TULP4: variants seen among roughly 807,000 people sequenced by gnomAD.
TULP4 encodes TUB like protein 4.
TULP4 carries 16 observed loss-of-function variants against 129.0 expected under a neutral mutation model. The ratio of observed to expected loss-of-function variants is 0.12; its 90% CI spans 0.08 to 0.19. The LOEUF (loss-of-function observed/expected upper bound fraction) is 0.19. TULP4 is among the 10% of genes least tolerant of loss of function. TULP4 has a pLI of 1.00. For missense variants in TULP4, 1,842 were observed against 2,059.1 expected (o/e 0.89, Z 2.04); for synonymous variants, 998 against 854.0 (o/e 1.17, Z -2.94).
intron 1 of TULP4, among the ~76,000 whole-genome samples, chr6:158,367,457 T>C (rs533733476): frequency 6.6e-6 from 1 of 152,204 alleles, no homozygotes; most frequent in Non-Finnish European, 1.5e-5. Flanking sequence ...GCAGTTAGCA[T>C]TTTTTGAAAA....
intron 2 of TULP4, among the ~76,000 whole-genome samples, chr6:158,415,260 A>G (rs1778180441): frequency 6.6e-6 from 1 of 152,106 alleles, no homozygotes; most frequent in African/African-American, 2.4e-5. Flanking sequence ...AGCACATGCC[A>G]TTAGTACAGT....
chr6:158,313,929 C>T lies in TULP4; in HGVS notation c.-88C>T. 6.7e-7 allele frequency: 1 copy of T among 1,502,424 alleles called. No homozygotes were observed. The highest frequency in any genetic ancestry group is 1.3e-5 in the South Asian group (1 of 76,228). 93.1% of individuals were successfully genotyped at this position (1,502,424 alleles called of 1,614,324 possible). A position where few individuals can be genotyped will look rare whatever the true frequency, so the allele number is the denominator to read the frequency against. On this transcript the variant is annotated 5_prime_UTR_variant, in exon 1 of 14. Transcript: ENST00000367097. ...GGAAAAAAGCAACGCAAGCCAACCA[C>T]AAAAACACATATACCAATGAAAGAA...
chr6:158,315,430 A>G (rs1313402805), intron 1 of TULP4, among the ~76,000 whole-genome samples: 1 of 152,108 alleles, frequency 6.6e-6, no homozygotes, highest in Non-Finnish European at 1.5e-5. Flanking sequence ...ACCTAGGGAG[A>G]TTCACCATAC....
chr6:158,336,642 A>G (rs1780041869), intron 1 of TULP4, among the ~76,000 whole-genome samples: 1 of 152,216 alleles, frequency 6.6e-6, no homozygotes, highest in South Asian at 2.1e-4. Flanking sequence ...TTATAGCAGG[A>G]CAAATACTAA....
intron 2 of TULP4, among the ~76,000 whole-genome samples, chr6:158,423,142 A>C (rs1778392322): frequency 2.7e-5 from 4 of 149,340 alleles, no homozygotes; most frequent in Non-Finnish European, 4.5e-5. Flanking sequence ...GGGGAAAGAA[A>C]CCTTCCCAGG....
In TULP4 at chr6:158,427,471, C is replaced by CTTTTTTTTTTTTTTTTTT. The variant is rs557678837; in HGVS notation, c.382-2241_382-2224dup. Among the ~76,000 whole-genome samples, 25 of 74,134 alleles carry CTTTTTTTTTTTTTTTTTT rather than the reference C, an allele frequency of 3.4e-4. 4 individuals carry two copies. Among genetic ancestry groups the CTTTTTTTTTTTTTTTTTT allele is most frequent in the South Asian group, 6.1e-4 (1 of 1,642 alleles). The allele number at this position is 74,134 out of a possible 152,430, so 48.6% of individuals were successfully genotyped here. On this transcript the variant is annotated intron_variant, in intron 2 of 13. Coordinates refer to ENST00000367097, the MANE Select transcript of TULP4 (RefSeq NM_020245.5). Reference sequence around the variant, plus strand: ...AAATTCCTTTTCAAAATTATCAGACCTTTTTTTTTTTTTTTTTTTTTTTTT... The same window carrying CTTTTTTTTTTTTTTTTTT: ...AAATTCCTTTTCAAAATTATCAGACCTTTTTTTTTTTTTTTTTTTTTTTTTTTTTTTTTTTTTTTTTTT...
chr6:158,297,716 A>C (rs1308702532), intron 1 of TULP4, among the ~76,000 whole-genome samples: 1 of 152,118 alleles, frequency 6.6e-6, no homozygotes, highest in Non-Finnish European at 1.5e-5. Flanking sequence ...ACAACAGATA[A>C]GGGTCCAACA....
chr6:158,360,514 A>G (rs770668942), intron 1 of TULP4, among the ~76,000 whole-genome samples: 2 of 152,320 alleles, frequency 1.3e-5, no homozygotes, highest in African/African-American at 4.8e-5. Context: ...TTGAAAGACC[A>G]TTGTTGGAAG....
chr6:158,467,147 A>G (rs1435003015), intron 6 of TULP4, among the ~76,000 whole-genome samples: 1 of 152,136 alleles, frequency 6.6e-6, no homozygotes, highest in East Asian at 1.9e-4. Flanking sequence ...CAGCCTGTCC[A>G]CTGAATCCCA....
In TULP4 at chr6:158,506,881, A is replaced by G; in HGVS notation, c.*187A>G. 1 of 582,116 alleles carries G rather than the reference A, an allele frequency of 1.7e-6. No homozygotes were observed. 36.1% of individuals were successfully genotyped at this position (582,116 alleles called of 1,614,324 possible). A position where few individuals can be genotyped will look rare whatever the true frequency, so the allele number is the denominator to read the frequency against. Reference sequence around the variant, plus strand: ...GTCATTTATTTGGTTGGGTTTTATTACCTTTTATTGTCTGTTCTTCTTTTC... The same window carrying G: ...GTCATTTATTTGGTTGGGTTTTATTGCCTTTTATTGTCTGTTCTTCTTTTC... On this transcript the variant is annotated 3_prime_UTR_variant, in exon 14 of 14. Transcript: ENST00000367097.
chr6:158,296,004 T>G (rs1779023503), intron 1 of TULP4, among the ~76,000 whole-genome samples: 1 of 152,246 alleles, frequency 6.6e-6, no homozygotes, highest in Non-Finnish European at 1.5e-5. Context: ...TAATATTTTT[T>G]CTTTTTAATT....
intron 9 of TULP4, among the ~76,000 whole-genome samples, chr6:158,490,066 T>C (rs1341352137): frequency 6.6e-6 from 1 of 152,186 alleles, no homozygotes; most frequent in African/African-American, 2.4e-5. Flanking sequence ...GGTTCCCCTG[T>C]GGATGTAACA....
chr6:158,350,013 G>A (rs191692674), intron 1 of TULP4, among the ~76,000 whole-genome samples: 1,551 of 107,550 alleles, frequency 0.014, 35 homozygotes, highest in African/African-American at 0.053. Context: ...CACTTCCCAG[G>A]CGGGGCAGCC....
intron 1 of TULP4, among the ~76,000 whole-genome samples, chr6:158,333,309 A>G (rs1779954329): frequency 6.6e-6 from 1 of 152,202 alleles, no homozygotes; most frequent in South Asian, 2.1e-4. Flanking sequence ...GTGCCCTAAA[A>G]GAAGACACAT....
chr6:158,369,524 G>A (rs777967498), intron 1 of TULP4, among the ~76,000 whole-genome samples: 17 of 152,102 alleles, frequency 1.1e-4, no homozygotes, highest in African/African-American at 4.1e-4. Context: ...CTTTAAGTTA[G>A]CCTCTGATTC....
chr6:158,453,515 G>T (rs1482984880), intron 5 of TULP4, among the ~76,000 whole-genome samples: 3 of 124,426 alleles, frequency 2.4e-5, no homozygotes, highest in Admixed American at 2.4e-4. Context: ...AAAAAGCCGG[G>T]CACGGTAGCT....
chr6:158,479,794 T>G lies in TULP4; in HGVS notation c.1070T>G (p.Leu357Arg). Reference protein sequence around the residue: ...SICWGHRDSRLLMASGPALYV... With the variant: ...SICWGHRDSRRLMASGPALYV... ...TGCTGGGGTCACCGGGATTCGAGGC[T>G]GTTGATGGCATCAGGACCAGCCCTG... Residue 357 changes from leucine (L) to arginine (R), a missense_variant, in exon 7 of 14, where the codon CTG becomes CGG. Leu to Arg is a moderately radical substitution (Grantham distance 102). Around this residue, in one of 5 missense-constraint regions of TULP4, gnomAD observed 456 missense variants for 534.3 expected, o/e 0.85. Transcript: ENST00000367097. The G allele has an allele frequency of 6.2e-7, 1 of 1,614,132 alleles. No individual in the cohort carries two copies.
At chr6:158,451,823 A>G (rs1779166635) in intron 4 of TULP4, among the ~76,000 whole-genome samples, 1 of 152,198 alleles carries the variant, frequency 6.6e-6, no homozygotes, top group Admixed American at 6.5e-5. Context: ...TCTATATGTC[A>G]TTAGAACCGT....
At chr6:158,384,739 G>A (rs1459785850) in intron 1 of TULP4, among the ~76,000 whole-genome samples, 1 of 152,158 alleles carries the variant, frequency 6.6e-6, no homozygotes, top group Non-Finnish European at 1.5e-5. Context: ...GAGTGACTCC[G>A]TGTTAGTCAG....
Sources: allele counts gnomAD v4.1 joint callset (sites outside exome capture counted in the v4.1 genomes callset), GRCh38; gene constraint gnomAD v4.1.1; regional missense constraint gnomAD v4.1.1; transcripts MANE v1.5; gene names NCBI Gene and HGNC (gene_info 2026-07-23, HGNC 2026-07-21).